The following ZMYM2 variants were observed in gnomAD, a reference collection of about 807,000 sequenced individuals.
ZMYM2 encodes zinc finger MYM-type protein 2.
A neutral mutation model predicts 162.8 loss-of-function variants in ZMYM2; 56 were observed. That is an observed-to-expected ratio of 0.34 (90% confidence interval 0.28 to 0.43). The LOEUF (loss-of-function observed/expected upper bound fraction) is 0.43. Ranked by LOEUF, ZMYM2 falls within the 20% of genes least tolerant of loss-of-function variation. ZMYM2 has a pLI of 1.00. For synonymous variants in ZMYM2, 510 were observed against 541.6 expected (o/e 0.94, Z 0.81); for missense variants, 1,275 against 1,621.8 (o/e 0.79, Z 3.67).
intron 14 of ZMYM2, among the ~76,000 whole-genome samples, chr13:20,056,455 C>T (rs191747675): frequency 1.7e-4 from 26 of 152,272 alleles, no homozygotes; most frequent in Admixed American, 5.2e-4. Context: ...TCTCCAGCCC[C>T]TCAGACAGGG....
chr13:19,966,228 G>A (rs1000662874), intron 2 of ZMYM2, among the ~76,000 whole-genome samples: 7 of 151,198 alleles, frequency 4.6e-5, no homozygotes, highest in African/African-American at 7.3e-5. Flanking sequence ...TCCGCCTCCC[G>A]GGTTCAAGTG....
At chr13:20,044,609 A>G (rs1231033947) in intron 12 of ZMYM2, among the ~76,000 whole-genome samples, 1 of 152,090 alleles carries the variant, frequency 6.6e-6, no homozygotes, top group Non-Finnish European at 1.5e-5. Context: ...CACACATTGC[A>G]TCAGTTTCTT....
intron 7 of ZMYM2, among the ~76,000 whole-genome samples, chr13:20,022,792 T>C (rs183653568): frequency 9.2e-5 from 14 of 152,238 alleles, no homozygotes; most frequent in African/African-American, 3.1e-4. Flanking sequence ...ATTATGTCAT[T>C]GTTTGAGTTT....
At chr13:20,063,190 TCCAGGAGTTCAAGA>T (rs1163199012) in intron 18 of ZMYM2, among the ~76,000 whole-genome samples, 1 of 151,934 alleles carries the variant, frequency 6.6e-6, no homozygotes, top group Non-Finnish European at 1.5e-5. Context: ...ATCACTTGAG[TCCAGGAGTTCAAGA>T]CCAGCCTGGG....
At chr13:20,054,505 AT>A (rs1055819518) in intron 14 of ZMYM2, among the ~76,000 whole-genome samples, 1 of 152,192 alleles carries the variant, frequency 6.6e-6, no homozygotes, top group Non-Finnish European at 1.5e-5. Flanking sequence ...ATGCAATAAG[AT>A]TTGGTGCTTT....
intron 12 of ZMYM2, among the ~76,000 whole-genome samples, chr13:20,046,821 GT>G (rs905064277): frequency 6.6e-6 from 1 of 151,552 alleles, no homozygotes; most frequent in Non-Finnish European, 1.5e-5. Context: ...ACCTTGCTAT[GT>G]TTTTTAAAAG....
chr13:19,925,896 C>T, the ZMYM2 span, among the ~76,000 whole-genome samples: 1 of 149,694 alleles, frequency 6.7e-6, no homozygotes, highest in South Asian at 2.1e-4. Flanking sequence ...AGTTATAATA[C>T]TCTCATAACA....
At chr13:19,931,798 A>G in the ZMYM2 span, among the ~76,000 whole-genome samples, 1 of 152,172 alleles carries the variant, frequency 6.6e-6, no homozygotes, top group East Asian at 1.9e-4. Context: ...TAATTTTTAA[A>G]ACATTTTTTT....
At chr13:19,977,736 C>T (rs1291595856) in intron 2 of ZMYM2, among the ~76,000 whole-genome samples, 1 of 151,596 alleles carries the variant, frequency 6.6e-6, no homozygotes, top group Non-Finnish European at 1.5e-5. Context: ...GTGGTCCACC[C>T]ACCTCAGCCT....
chr13:20,080,158 A>G (rs1957813724), intron 21 of ZMYM2, among the ~76,000 whole-genome samples: 2 of 152,020 alleles, frequency 1.3e-5, no homozygotes, highest in South Asian at 4.2e-4. Context: ...CAACCCTTTA[A>G]CTAACCCAAA....
At chr13:19,922,882 C>T in the ZMYM2 span, among the ~76,000 whole-genome samples, 2 of 151,784 alleles carry the variant, frequency 1.3e-5, no homozygotes, top group Non-Finnish European at 2.9e-5. Context: ...ATTAGCTGAG[C>T]GAGGTGGCGC....
rs1953742959 is a variant in ZMYM2 at position 20,036,723 on chromosome 13, CTT to C, written c.2120-13_2120-12del. ...TGTTTTTTTGTTTTAATATATAAAT[CTT>C]ATATTTTTCAGGCTGCAAATTATTA... On this transcript the variant is annotated splice_polypyrimidine_tract_variant and intron_variant, in intron 11 of 24. Transcript: ENST00000610343. 3.3e-6 allele frequency: 5 copies of C among 1,497,316 alleles called. No homozygotes were observed. The highest frequency in any genetic ancestry group is 4.4e-6 in the Non-Finnish European group (5 of 1,124,196). 92.8% of individuals were successfully genotyped at this position (1,497,316 alleles called of 1,614,324 possible). A position where few individuals can be genotyped will look rare whatever the true frequency, so the allele number is the denominator to read the frequency against.
intron 2 of ZMYM2, among the ~76,000 whole-genome samples, chr13:19,983,382 A>C (rs1957521868): frequency 6.6e-6 from 1 of 151,862 alleles, no homozygotes; most frequent in African/African-American, 2.4e-5. Context: ...CTGACCTCAG[A>C]TGATCCGCCT....
intron 14 of ZMYM2, among the ~76,000 whole-genome samples, chr13:20,057,153 A>ATT (rs1955860340): frequency 1.3e-5 from 2 of 152,172 alleles, no homozygotes; most frequent in African/African-American, 4.8e-5. Flanking sequence ...TCCAGGCTAG[A>ATT]GTGCAGTGGC....
chr13:19,963,068 A>C (rs1211729122), intron 2 of ZMYM2, among the ~76,000 whole-genome samples: 1 of 151,322 alleles, frequency 6.6e-6, no homozygotes, highest in Admixed American at 6.6e-5. Context: ...CGAACTCCTG[A>C]GCTCCGGTGA....
chr13:20,085,062 T>C (rs886175733), intron 24 of ZMYM2, among the ~76,000 whole-genome samples: 2 of 152,218 alleles, frequency 1.3e-5, no homozygotes, highest in African/African-American at 2.4e-5. Flanking sequence ...ATACACCTTA[T>C]ACATGTAGCC....
intron 2 of ZMYM2, among the ~76,000 whole-genome samples, chr13:19,963,949 A>AT (rs1319044833): frequency 1.3e-5 from 2 of 152,208 alleles, no homozygotes; most frequent in Non-Finnish European, 2.9e-5. Context: ...TCCATTGAAA[A>AT]TTAGAAGTAA....
the ZMYM2 span, among the ~76,000 whole-genome samples, chr13:19,871,397 G>T: frequency 6.6e-6 from 1 of 152,088 alleles, no homozygotes; most frequent in African/African-American, 2.4e-5. Context: ...GAATTCTAAG[G>T]GTTTTGTTTT....
rs551641001 is a variant in ZMYM2, at chr13:19,967,932, C to T, written c.-11+7906C>T. 8.1e-4 allele frequency among the ~76,000 whole-genome samples: 124 copies of T among 152,222 alleles called. 1 individual carries two copies. Among genetic ancestry groups the T allele is most frequent in the African/African-American group, 3.0e-3 (124 of 41,540 alleles). On this transcript the variant is annotated intron_variant, in intron 2 of 24. Transcript: ENST00000610343. ...GAAGAATTTCTATGTTTCTCTTCAC[C>T]GACTTCCCTCTTCTGGCTTTTTCAT...
Sources: gnomAD v4.1 joint callset for allele counts (sites outside exome capture counted in the v4.1 genomes callset) on GRCh38, gnomAD v4.1.1 for gene constraint, MANE v1.5 for transcripts, NCBI Gene and HGNC (gene_info 2026-07-23, HGNC 2026-07-21) for gene names.